Variants in ST3GAL5 observed in about 807,000 individuals in gnomAD.
The protein encoded by ST3GAL5 is ST3 beta-galactoside alpha-2,3-sialyltransferase 5.
In ST3GAL5, 25 loss-of-function variants were observed where a neutral mutation model predicts 46.1. The ratio of observed to expected loss-of-function variants is 0.54; its 90% CI spans 0.40 to 0.76. ST3GAL5 has a LOEUF of 0.76. ST3GAL5 is among the 30% of genes least tolerant of loss of function. ST3GAL5 has a pLI of 0.00. For synonymous variants in ST3GAL5, 182 were observed against 192.7 expected (o/e 0.94, Z 0.46); for missense variants, 431 against 521.2 (o/e 0.83, Z 1.69).
chr2:85,868,556 C>G (rs11678865), intron 1 of ST3GAL5, among the ~76,000 whole-genome samples: 16,759 of 151,262 alleles, frequency 0.11, 1,009 homozygotes, highest in East Asian at 0.23. Flanking sequence ...AGCCACCCAC[C>G]AGCCTTGGCC....
chr2:85,852,276 C>A (rs1470083279), intron 3 of ST3GAL5, among the ~76,000 whole-genome samples: 1 of 152,202 alleles, frequency 6.6e-6, no homozygotes, highest in Non-Finnish European at 1.5e-5. Context: ...ATCACGTGAT[C>A]TGGGGGCATC....
chr2:85,863,571 T>A, intron 1 of ST3GAL5, 86 bp from the exon 2 acceptor site: 2 of 1,443,422 alleles, frequency 1.4e-6, no homozygotes, highest in South Asian at 1.2e-5. Context: ...AGCCTTTATA[T>A]GTTGCATCCA....
At chr2:85,873,074 C>T (rs1277852407) in intron 1 of ST3GAL5, among the ~76,000 whole-genome samples, 1 of 152,182 alleles carries the variant, frequency 6.6e-6, no homozygotes, top group Non-Finnish European at 1.5e-5. Context: ...GGGGTGCAGG[C>T]AGGACGAGAG....
In ST3GAL5 at chr2:85,863,762, C is replaced by T. The variant is rs1684982798; in HGVS notation, c.83-277G>A. On this transcript the variant is annotated intron_variant, in intron 1 of 6. Transcript: ENST00000638572. Reference sequence around the variant, plus strand: ...TTGCTCTGTTGCCCAGGCTGGAGTGCAGTGGCGTGATCTCAGCTCACTGCA... The same window carrying T: ...TTGCTCTGTTGCCCAGGCTGGAGTGTAGTGGCGTGATCTCAGCTCACTGCA... 2.6e-5 allele frequency among the ~76,000 whole-genome samples: 4 copies of T among 151,158 alleles called. 1 individual carries two copies. In the South Asian group the frequency reaches 8.4e-4, roughly 32 times the overall value.
chr2:85,850,272 C>A (rs1683333855), intron 3 of ST3GAL5: 1 of 152,278 alleles, frequency 6.6e-6, no homozygotes. Flanking sequence ...GACACTATGG[C>A]ACCTTGCAAG....
At chr2:85,867,787 C>T (rs1466346823) in intron 1 of ST3GAL5, 9 of 680,390 alleles carry the variant, frequency 1.3e-5, no homozygotes, top group African/African-American at 1.2e-4. Context: ...TATGGTATAA[C>T]GGCAAGACTG....
chr2:85,863,217 C>T (rs1003926332), intron 2 of ST3GAL5, 145 bp downstream of exon 2: 34 of 1,471,692 alleles, frequency 2.3e-5, no homozygotes, highest in Middle Eastern at 2.4e-4. Flanking sequence ...TTTACTCAGA[C>T]GTGCCTTTGA....
Position 85,862,014 on chromosome 2 carries a change from C to T in ST3GAL5, c.207-722G>A, listed in dbSNP as rs12613609. On this transcript the variant is annotated intron_variant, in intron 2 of 6. Coordinates refer to ENST00000638572, the MANE Select transcript of ST3GAL5 (RefSeq NM_003896.4). ...TGCAAGAAATAAAGAGAAAGTAATC[C>T]ATTTTCTAAATAAAGGGGCAGTTTT... 2.6e-5 allele frequency among the ~76,000 whole-genome samples: 4 copies of T among 151,740 alleles called. No homozygotes were observed. In the East Asian group the frequency reaches 7.7e-4, roughly 29 times the overall value.
intron 3 of ST3GAL5, chr2:85,854,847 A>T (rs1414114212): frequency 2.6e-5 from 4 of 152,198 alleles, no homozygotes; most frequent in African/African-American, 9.7e-5. Context: ...TTAAGGCATG[A>T]GGGGGCTCTC....
At chr2:85,858,552 G>A (rs1043299788) in intron 3 of ST3GAL5, among the ~76,000 whole-genome samples, 7 of 151,966 alleles carry the variant, frequency 4.6e-5, no homozygotes, top group Non-Finnish European at 7.4e-5. Flanking sequence ...CTCATGATCC[G>A]CCCACCTCAG....
intron 1 of ST3GAL5, chr2:85,870,296 T>C (rs1444405396): frequency 2.2e-6 from 1 of 460,362 alleles, no homozygotes; most frequent in Non-Finnish European, 4.6e-6. Context: ...CATCCATATC[T>C]GTTTACTGAA....
At position 85,840,188 on chromosome 2, in the gene ST3GAL5, C is replaced by T; in HGVS notation, c.1213G>A (p.Gly405Arg). The change falls in exon 7 of 7, where the codon GGA becomes AGA. Residue 405 changes from glycine (G) to arginine (R), a missense_variant. Gly to Arg is a moderately radical substitution (Grantham distance 125). Coordinates refer to ENST00000638572, the MANE Select transcript of ST3GAL5 (RefSeq NM_003896.4). ...TKFLLKLVKE[G>R]VVKDLSGGID... The stretch of plus-strand genomic sequence containing the variant: ...CCTCCACTGAGATCTTTCACCACTC[C>T]CTCTTTGACCAGCTTTAAGAGGAAC... 1.2e-6 allele frequency: 2 copies of T among 1,614,172 alleles called. No homozygotes were observed. Among genetic ancestry groups the T allele is most frequent in the Non-Finnish European group, 1.7e-6 (2 of 1,180,024 alleles).
intron 1 of ST3GAL5, among the ~76,000 whole-genome samples, chr2:85,881,743 A>G (rs998897447): frequency 3.3e-5 from 5 of 149,536 alleles, no homozygotes; most frequent in African/African-American, 9.9e-5. Context: ...TTAAAAGGGG[A>G]ACAGAGCATA....
chr2:85,880,944 T>C (rs754394403), intron 1 of ST3GAL5: 5 of 517,308 alleles, frequency 9.7e-6, no homozygotes, highest in South Asian at 2.8e-5. Context: ...TTGGGGTGTA[T>C]GTGTGATATG....
intron 4 of ST3GAL5, among the ~76,000 whole-genome samples, chr2:85,847,165 C>A (rs771324751): frequency 1.3e-5 from 2 of 152,126 alleles, no homozygotes; most frequent in Non-Finnish European, 2.9e-5. Flanking sequence ...CATGGTGAGT[C>A]TGAACTTCTC....
At chr2:85,878,644 A>T (rs1296516929) in intron 1 of ST3GAL5, among the ~76,000 whole-genome samples, 2 of 152,252 alleles carry the variant, frequency 1.3e-5, no homozygotes, top group Non-Finnish European at 2.9e-5. Context: ...TCCTTTAAAT[A>T]AAAATTTCAT....
chr2:85,885,671 AC>A (rs2104260107), intron 1 of ST3GAL5, among the ~76,000 whole-genome samples: 1 of 152,234 alleles, frequency 6.6e-6, no homozygotes, highest in East Asian at 1.9e-4. Flanking sequence ...TACTAAAAAT[AC>A]AAAAAATTAG....
At position 85,838,202 on chromosome 2, in the gene ST3GAL5, A is replaced by T. The variant is rs1681642680; in HGVS notation, c.*1942T>A. On this transcript the variant is annotated 3_prime_UTR_variant, in exon 7 of 7. Transcript: ENST00000638572. ...AACCTAAGGATGCAAGAAGGGCCTT[A>T]CAGGGAGGAGGGATGGGGATGGGAG... The T allele has an allele frequency of 6.6e-6, 1 of 152,272 alleles. No individual in the cohort carries two copies. Among genetic ancestry groups the T allele is most frequent in the Non-Finnish European group, 1.5e-5 (1 of 68,090 alleles). 9.4% of individuals were successfully genotyped at this position (152,272 alleles called of 1,614,324 possible).
chr2:85,840,667 C>A (rs532487182), intron 6 of ST3GAL5, among the ~76,000 whole-genome samples: 9 of 152,196 alleles, frequency 5.9e-5, no homozygotes, highest in African/African-American at 2.2e-4. Flanking sequence ...CCTTCTAGGC[C>A]AGGTGCGGTG....
Sources: gnomAD v4.1 joint callset for allele counts (sites outside exome capture counted in the v4.1 genomes callset) on GRCh38, gnomAD v4.1.1 for gene constraint, MANE v1.5 for transcripts, NCBI Gene and HGNC (gene_info 2026-07-23, HGNC 2026-07-21) for gene names.